The following FLII variants were observed in gnomAD, a reference collection of about 807,000 sequenced individuals.
FLII encodes protein flightless-1 homolog.
Under a neutral mutation model 156.2 loss-of-function variants are expected in FLII, and 101 were observed. The observed-to-expected ratio is 0.65, with a 90% CI of 0.55 to 0.76. The LOEUF (loss-of-function observed/expected upper bound fraction) is 0.76, where lower values mean the gene tolerates loss of function less well. FLII is among the 30% of genes least tolerant of loss of function. FLII has a pLI of 0.00. For missense variants in FLII, 1,675 were observed against 1,682.8 expected, an observed-to-expected ratio of 1.00 and a Z score of 0.08; for synonymous variants, 767 against 685.8, an observed-to-expected ratio of 1.12 and a Z score of -1.85.
chr17:18,257,083 G>T, intron 1 of FLII, 64 bp from the exon 2 acceptor site: 2 of 1,054,620 alleles, frequency 1.9e-6, no homozygotes, highest in Non-Finnish European at 2.8e-6. Flanking sequence ...GGCTCCTCCA[G>T]CCCATGGGAG....
chr17:18,247,306 T>G lies in FLII; in HGVS notation c.2539A>C (p.Thr847Pro). 1.2e-6 allele frequency: 2 copies of G among 1,611,158 alleles called. No individual in the cohort carries two copies. Among genetic ancestry groups the G allele is most frequent in the South Asian group, 1.1e-5 (1 of 90,910 alleles). The change falls in exon 21 of 30, where the codon ACA (threonine) becomes CCA (proline). Residue 847 changes from threonine (T) to proline (P), a missense_variant. Thr to Pro is a conservative substitution (Grantham distance 38). Transcript: ENST00000327031. The stretch of plus-strand genomic sequence containing the variant: ...TGCAGCACGGCCTCCGCATTGCGTG[T>G]GTAGTCCACCGTCAACACATCGTCC... ...NWDDVLTVDYTRNAEAVLQSP... is the reference protein window; with the variant it reads ...NWDDVLTVDYPRNAEAVLQSP...
At position 18,258,385 on chromosome 17, in the gene FLII, C is replaced by T; in HGVS notation, c.63+243G>A. 2 of 1,167,752 alleles carry T rather than the reference C, an allele frequency of 1.7e-6. No individual in the cohort carries two copies. The highest frequency in any genetic ancestry group is 2.4e-6 in the Non-Finnish European group (2 of 847,128). 72.3% of individuals were successfully genotyped at this position (1,167,752 alleles called of 1,614,324 possible). ...CGGGGTGGGGGCTCCCGGCCGGGCC[C>T]CCGGCGGGACTCCGAGCCCAAGCGT... is the stretch of plus-strand genomic sequence containing the variant. On this transcript the variant is annotated intron_variant, in intron 1 of 29. Coordinates refer to ENST00000327031, the MANE Select transcript of FLII (RefSeq NM_002018.4). The surrounding 1 kb of genome is among the most constrained non-coding windows in gnomAD (Gnocchi z 4.2).
In FLII at chr17:18,246,735, C is replaced by T. The variant is rs781775406; in HGVS notation, c.2910G>A (p.Glu970=). The part of the protein sequence containing the change: ...EGKEGEEATA[E]AEEKQPEEDF... ...CCTCCTCTGGCTGCTTCTCCTCTGCCTCAGCGGTTGCTTCCTCGCCTTCTT... is the reference window on the plus strand; with the variant it reads ...CCTCCTCTGGCTGCTTCTCCTCTGCTTCAGCGGTTGCTTCCTCGCCTTCTT... The change falls in exon 23 of 30, where the codon GAG becomes GAA. Residue 970 remains glutamate (E), a synonymous_variant. Transcript: ENST00000327031. The T allele has an allele frequency of 1.9e-6, 3 of 1,613,546 alleles. No homozygotes were observed. The highest frequency in any genetic ancestry group is 3.3e-5 in the Admixed American group (2 of 59,898).
Position 18,249,506 on chromosome 17 carries a change from T to C in FLII, c.1777-98A>G, listed in dbSNP as rs1017569288. On this transcript the variant is annotated intron_variant, in intron 14 of 29. Coordinates refer to ENST00000327031, the MANE Select transcript of FLII (RefSeq NM_002018.4). ...GGGTACAGAGTTGCATACAGGTGAA[T>C]TGAGTGCTACAAATCTATGATGCCT... is the stretch of plus-strand genomic sequence containing the variant. 7.1e-5 allele frequency: 61 copies of C among 856,396 alleles called. No homozygotes were observed. In the African/African-American group the frequency reaches 8.5e-4, roughly 12 times the overall value. The allele number at this position is 856,396 out of a possible 1,614,324, so 53.0% of individuals were successfully genotyped here.
Position 18,257,017 on chromosome 17 carries a change from G to T in FLII, c.66C>A (p.Gly22=), listed in dbSNP as rs1044925171. The T allele has an allele frequency of 6.3e-7, 1 of 1,597,268 alleles. No individual in the cohort carries two copies. The highest frequency in any genetic ancestry group is 1.7e-5 in the Admixed American group (1 of 58,472). Residue 22 remains glycine, a splice_region_variant and synonymous_variant, in exon 2 of 30, where the codon GGC becomes GGA. Transcript: ENST00000327031. Reference sequence around the variant, plus strand: ...CCTTGACATTCTCAGGGAAGTAGCCGCCCTGGGGGAAGGATGTCAAGGTGA... The same window carrying T: ...CCTTGACATTCTCAGGGAAGTAGCCTCCCTGGGGGAAGGATGTCAAGGTGA... ...GVDLSGNDFK[G]GYFPENVKAM...
At position 18,247,139 on chromosome 17, in the gene FLII, C is replaced by T. The variant is rs746651972; in HGVS notation, c.2676+30G>A. On this transcript the variant is annotated intron_variant, in intron 21 of 29. Coordinates refer to ENST00000327031, the MANE Select transcript of FLII (RefSeq NM_002018.4). ...CCTCGGCCTGCCCCCCACCCCCCCC[C>T]CCGCGCCCCGGTCCCGGCCCTGCCC... 7.4e-5 allele frequency: 96 copies of T among 1,305,690 alleles called. No individual in the cohort carries two copies. The Middle Eastern group carries it at 2.2e-3, about 30-fold the overall frequency. The allele number at this position is 1,305,690 out of a possible 1,614,324, so 80.9% of individuals were successfully genotyped here. A position where few individuals can be genotyped will look rare whatever the true frequency, so the allele number is the denominator to read the frequency against.
Position 18,249,400 on chromosome 17 carries a change from G to A in FLII, c.1785C>T (p.Asp595=). ...DESEEFLQVF[D]NDISYIEGGT... is the part of the protein sequence containing the mutation. The stretch of plus-strand genomic sequence containing the variant: ...CACCCTCAATGTAGGAGATGTCGTT[G>A]TCAAACACCTGTGTGTGTGAGGGTG... Residue 595 remains aspartate, a synonymous_variant, in exon 15 of 30, where the codon GAC becomes GAT. Transcript: ENST00000327031. 2 of 1,613,886 alleles carry A rather than the reference G, an allele frequency of 1.2e-6. No homozygotes were observed. Among genetic ancestry groups the A allele is most frequent in the South Asian group, 1.1e-5 (1 of 91,076 alleles).
At position 18,246,618 on chromosome 17, in the gene FLII, C is replaced by T; in HGVS notation, c.3027G>A (p.Glu1009=). 6.2e-7 allele frequency: 1 copy of T among 1,614,016 alleles called. No homozygotes were observed. The highest frequency in any genetic ancestry group is 8.5e-7 in the Non-Finnish European group (1 of 1,179,954). Reference sequence around the variant, plus strand: ...CCTCCAGCTTCCCAGGGAAGAGGCTCTCGAACTTCTTTTGCAGGCTGAAGG... The same window carrying T: ...CCTCCAGCTTCCCAGGGAAGAGGCTTTCGAACTTCTTTTGCAGGCTGAAGG... ...TFTFSLQKKF[E]SLFPGKLEVV... The change falls in exon 23 of 30, where the codon GAG becomes GAA. Residue 1009 remains glutamate, a synonymous_variant. Transcript: ENST00000327031.
At chr17:18,255,997 G>C (rs563526697) in intron 3 of FLII, among the ~76,000 whole-genome samples, 13 of 152,378 alleles carry the variant, frequency 8.5e-5, no homozygotes, top group Admixed American at 2.0e-4. Flanking sequence ...ACTTCAGATG[G>C]GATGGCCCTC....
rs200048813 is a variant in FLII at position 18,245,854 on chromosome 17, C to A, written c.3397-4G>T. 1 of 1,613,924 alleles carries A rather than the reference C, an allele frequency of 6.2e-7. No homozygotes were observed. The highest frequency in any genetic ancestry group is 8.5e-7 in the Non-Finnish European group (1 of 1,179,924). On this transcript the variant is annotated splice_region_variant and splice_polypyrimidine_tract_variant and intron_variant, in intron 26 of 29. Transcript: ENST00000327031. Reference sequence around the variant, plus strand: ...GCTCCTCACCTTCGTTGATAACCTGCGGGAAAGGCCAGTCCAGCCCAGGGC... The same window carrying A: ...GCTCCTCACCTTCGTTGATAACCTGAGGGAAAGGCCAGTCCAGCCCAGGGC...
At position 18,258,100 on chromosome 17, in the gene FLII, G is replaced by A. The variant is rs2048480945; in HGVS notation, c.63+528C>T. On this transcript the variant is annotated intron_variant, in intron 1 of 29. Transcript: ENST00000327031. The surrounding 1 kb of genome is among the most constrained non-coding windows in gnomAD (Gnocchi z 4.2). ...TCTCACTATACTCCTTGCGTCCAAG[G>A]AGGAGACTTTTAAGCCCCTTCACCG... Among the ~76,000 whole-genome samples, 1 of 152,262 alleles carries A rather than the reference G, an allele frequency of 6.6e-6. No individual in the cohort carries two copies. Among genetic ancestry groups the A allele is most frequent in the African/African-American group, 2.4e-5 (1 of 41,470 alleles).
intron 3 of FLII, 31 bp downstream of exon 3, chr17:18,256,495 C>T (rs913284710): frequency 1.3e-6 from 2 of 1,543,162 alleles, no homozygotes; most frequent in Non-Finnish European, 1.8e-6. Flanking sequence ...GCCCCAACCC[C>T]AAGCTCGGTG....
In FLII at chr17:18,245,399, G is replaced by A. The variant is rs2142772058; in HGVS notation, c.3630C>T (p.Thr1210=). 1 of 1,614,184 alleles carries A rather than the reference G, an allele frequency of 6.2e-7. No homozygotes were observed. Among genetic ancestry groups the A allele is most frequent in the Non-Finnish European group, 8.5e-7 (1 of 1,180,034 alleles). The change falls in exon 29 of 30, where the codon ACC becomes ACT. Residue 1210 remains threonine (T), a synonymous_variant. Coordinates refer to ENST00000327031, the MANE Select transcript of FLII (RefSeq NM_002018.4). Reference sequence around the variant, plus strand: ...GCTTGATCTCCACCTGGCTAGTCTGGGTCCCCACCCACATGTAGACCTGTG... The same window carrying A: ...GCTTGATCTCCACCTGGCTAGTCTGAGTCCCCACCCACATGTAGACCTGTG... ...NGQEVYMWVG[T]QTSQVEIKLS... is the part of the protein sequence containing the mutation.
At chr17:18,252,259 T>C (rs562239890) in intron 10 of FLII, 113 bp from the exon 11 acceptor site, 2 of 1,056,046 alleles carry the variant, frequency 1.9e-6, no homozygotes, top group South Asian at 1.4e-5. Context: ...GTCAGGGAAC[T>C]GGGTTCTCCT....
rs1177006945 is a variant in FLII at position 18,245,810 on chromosome 17, A to G, written c.3437T>C (p.Val1146Ala). The G allele has an allele frequency of 1.2e-6, 2 of 1,613,938 alleles. No homozygotes were observed. Among genetic ancestry groups the G allele is most frequent in the Non-Finnish European group, 1.7e-6 (2 of 1,179,974 alleles). ...ATAGGGCTTCTGTGCCCCAATGCCC[A>G]CCCAGAAGAAGTTCTCAGGCTCCTC... Reference protein sequence around the residue: ...EGEEPENFFWVGIGAQKPYDD... With the variant: ...EGEEPENFFWAGIGAQKPYDD... The change falls in exon 27 of 30, where the codon GTG becomes GCG. Residue 1146 changes from valine (V) to alanine (A), a missense_variant. By Grantham distance (64) the Val-to-Ala change is moderately conservative. Coordinates refer to ENST00000327031, the MANE Select transcript of FLII (RefSeq NM_002018.4).
Position 18,254,832 on chromosome 17 carries a change from G to T in FLII, c.350C>A (p.Thr117Lys), listed in dbSNP as rs369259384. The T allele has an allele frequency of 1.3e-5, 21 of 1,614,036 alleles. No individual in the cohort carries two copies. The highest frequency in any genetic ancestry group is 1.7e-5 in the Non-Finnish European group (20 of 1,180,034). ...SVLDLSHNQL[T>K]ECPRELENAK... ...GTTCTCCAGCTCCCGCGGGCACTCT[G>T]TCAGCTGGTTGTGGCTCAAGTCCTG... The change falls in exon 5 of 30, where the codon ACA becomes AAA. Residue 117 changes from threonine (T) to lysine (K), a missense_variant. By Grantham distance (78) the Thr-to-Lys change is moderately conservative. Transcript: ENST00000327031.
In FLII at chr17:18,254,726, C is replaced by A. The variant is rs772080603; in HGVS notation, c.413+43G>T. ...AGCCACCTGAGTCAGCACCAGCCACCCCACAGGGCCCACCTGCCCCCTGCC... is the reference window on the plus strand; with the variant it reads ...AGCCACCTGAGTCAGCACCAGCCACACCACAGGGCCCACCTGCCCCCTGCC... On this transcript the variant is annotated intron_variant, in intron 5 of 29. Transcript: ENST00000327031. The A allele has an allele frequency of 1.5e-5, 24 of 1,613,608 alleles. No homozygotes were observed. The Middle Eastern group carries it at 4.9e-4, about 33-fold the overall frequency.
At position 18,254,076 on chromosome 17, in the gene FLII, G is replaced by C; in HGVS notation, c.679+3C>G. 6.2e-7 allele frequency: 1 copy of C among 1,604,946 alleles called. No individual in the cohort carries two copies. Among genetic ancestry groups the C allele is most frequent in the Non-Finnish European group, 8.5e-7 (1 of 1,174,352 alleles). ...CTCAGAGGGGCTCCTGGGGCTGCCTGACCTGCGAGGTTGCTCAGACCCTCC... is the reference window on the plus strand; with the variant it reads ...CTCAGAGGGGCTCCTGGGGCTGCCTCACCTGCGAGGTTGCTCAGACCCTCC... On this transcript the variant is annotated splice_donor_region_variant and intron_variant, in intron 7 of 29. Coordinates refer to ENST00000327031, the MANE Select transcript of FLII (RefSeq NM_002018.4).
chr17:18,255,783 C>T (rs2048398866), intron 3 of FLII, among the ~76,000 whole-genome samples: 1 of 152,256 alleles, frequency 6.6e-6, no homozygotes, highest in South Asian at 2.1e-4. Context: ...TGCCCCGCCA[C>T]TTCTCCAGTC....
Sources: allele counts gnomAD v4.1 joint callset (sites outside exome capture counted in the v4.1 genomes callset), GRCh38; gene constraint gnomAD v4.1.1; non-coding constraint Gnocchi (gnomAD v3.1); transcripts MANE v1.5; gene names NCBI Gene and HGNC (gene_info 2026-07-23, HGNC 2026-07-21).